The following VPS13B variants were observed in gnomAD, a reference collection of about 807,000 sequenced individuals.
The protein encoded by VPS13B is intermembrane lipid transfer protein VPS13B.
Under a neutral mutation model 426.4 loss-of-function variants are expected in VPS13B, and 285 were observed. That is an observed-to-expected ratio of 0.67 (90% CI 0.61 to 0.74). VPS13B has a LOEUF of 0.74. Ranked by LOEUF, VPS13B falls within the 30% of genes least tolerant of loss-of-function variation. The pLI is 0.00. For missense variants in VPS13B, 4,537 were observed against 4,782.6 expected (o/e 0.95, Z 1.51); for synonymous variants, 1,676 against 1,676.4 (o/e 1.00, Z 0.01).
intron 30 of VPS13B, among the ~76,000 whole-genome samples, chr8:99,526,918 G>A (rs1055893781): frequency 1.3e-5 from 2 of 152,138 alleles, no homozygotes; most frequent in Non-Finnish European, 2.9e-5. Context: ...AGGCTTCTGG[G>A]TGATTGGGTG....
rs1821786117 is a variant in VPS13B, at chr8:99,511,510, A to G, written c.4631A>G (p.Glu1544Gly). The stretch of plus-strand genomic sequence containing the variant: ...ACAGAAGAAATGCAGCCAACTGTTG[A>G]AGGTATTGTCTTCTGATTTTTTTTG... ...PKTEEMQPTV[E>G]ANQAAKEDTV... The change falls in exon 29 of 62, where the codon GAA becomes GGA. Residue 1544 changes from glutamate to glycine, a missense_variant and splice_region_variant. Around this residue, in one of 2 missense-constraint regions of VPS13B, gnomAD observed 4,311 missense variants for 4,474.3 expected, o/e 0.96. Transcript: ENST00000357162. The G allele has an allele frequency of 8.1e-6, 13 of 1,612,280 alleles. No homozygotes were observed. The highest frequency in any genetic ancestry group is 8.5e-6 in the Non-Finnish European group (10 of 1,179,604).
At chr8:99,781,261 T>C (rs990977978) in intron 42 of VPS13B, among the ~76,000 whole-genome samples, 6 of 152,176 alleles carry the variant, frequency 3.9e-5, no homozygotes, top group African/African-American at 1.4e-4. Flanking sequence ...CATTTGCAAT[T>C]TGTTTTATAT....
intron 33 of VPS13B, among the ~76,000 whole-genome samples, chr8:99,637,355 TA>T (rs930929843): frequency 1.7e-4 from 26 of 151,982 alleles, no homozygotes; most frequent in African/African-American, 6.3e-4. Flanking sequence ...TTTAGAGGCT[TA>T]AAAAAAATGG....
At chr8:99,092,463 A>C (rs770432025) in intron 3 of VPS13B, among the ~76,000 whole-genome samples, 1 of 152,224 alleles carries the variant, frequency 6.6e-6, no homozygotes, top group Non-Finnish European at 1.5e-5. Context: ...TCAATGAACG[A>C]AAACTGTGTA....
intron 17 of VPS13B, among the ~76,000 whole-genome samples, chr8:99,201,873 T>C (rs1358380303): frequency 6.6e-6 from 1 of 152,238 alleles, no homozygotes; most frequent in Non-Finnish European, 1.5e-5. Flanking sequence ...ATTTTCTCAA[T>C]AACTATATAT....
intron 17 of VPS13B, among the ~76,000 whole-genome samples, chr8:99,208,469 G>C (rs540645979): frequency 6.6e-6 from 1 of 151,770 alleles, no homozygotes; most frequent in Non-Finnish European, 1.5e-5. Context: ...TTAATCCCAA[G>C]TTTCTGATTC....
chr8:99,853,361 T>C (rs944599964), intron 55 of VPS13B, 90 bp from the exon 56 acceptor site: 3 of 1,313,434 alleles, frequency 2.3e-6, no homozygotes, highest in Non-Finnish European at 2.2e-6. Context: ...CATCAGGAGG[T>C]ATTTAATAGG....
intron 5 of VPS13B, 135 bp downstream of exon 5, chr8:99,103,255 G>A: frequency 1.0e-6 from 1 of 970,768 alleles, no homozygotes; most frequent in Non-Finnish European, 1.6e-6. Flanking sequence ...GGAAAAAAAT[G>A]CACATATACA....
chr8:99,691,474 T>C (rs548567874), intron 35 of VPS13B, among the ~76,000 whole-genome samples: 2 of 152,276 alleles, frequency 1.3e-5, no homozygotes, highest in East Asian at 1.9e-4. Flanking sequence ...CATTTTAGTA[T>C]TGTGCACGGG....
chr8:99,691,281 T>C (rs1831647640), intron 35 of VPS13B, among the ~76,000 whole-genome samples: 1 of 151,594 alleles, frequency 6.6e-6, no homozygotes, highest in South Asian at 2.1e-4. Context: ...GTGTTGATTA[T>C]GATGTTCTGG....
chr8:99,806,242 C>A (rs996426787), intron 43 of VPS13B, among the ~76,000 whole-genome samples: 5 of 152,182 alleles, frequency 3.3e-5, no homozygotes, highest in East Asian at 3.8e-4. Context: ...ATCCTCCAAC[C>A]CTTTATCCAC....
intron 35 of VPS13B, among the ~76,000 whole-genome samples, chr8:99,683,257 A>G (rs987106655): frequency 1.3e-5 from 2 of 152,206 alleles, no homozygotes; most frequent in African/African-American, 2.4e-5. Flanking sequence ...AATAGCTGAT[A>G]GTAAGTCTTA....
intron 23 of VPS13B, among the ~76,000 whole-genome samples, chr8:99,454,815 G>C (rs765308921): frequency 3.3e-5 from 5 of 152,044 alleles, no homozygotes; most frequent in Non-Finnish European, 7.4e-5. Context: ...CTGAATTTTG[G>C]CCATTCTGAT....
chr8:99,207,251 A>T (rs1814782159), intron 17 of VPS13B, among the ~76,000 whole-genome samples: 1 of 152,108 alleles, frequency 6.6e-6, no homozygotes, highest in African/African-American at 2.4e-5. Context: ...TGTGTGTGTG[A>T]AAAATCAGAT....
At chr8:99,827,203 G>A (rs890452618) in intron 51 of VPS13B, among the ~76,000 whole-genome samples, 14 of 151,952 alleles carry the variant, frequency 9.2e-5, no homozygotes, top group East Asian at 1.9e-4. Flanking sequence ...CTGGTCCTGC[G>A]CATTTTTGGT....
chr8:99,350,336 G>C (rs1350944291), intron 19 of VPS13B, among the ~76,000 whole-genome samples: 1 of 152,182 alleles, frequency 6.6e-6, no homozygotes, highest in Non-Finnish European at 1.5e-5. Flanking sequence ...ATTGAAAGGG[G>C]CAATACTGGT....
intron 8 of VPS13B, among the ~76,000 whole-genome samples, chr8:99,125,227 G>C (rs1015569315): frequency 2.0e-5 from 3 of 152,194 alleles, no homozygotes; most frequent in African/African-American, 7.2e-5. Flanking sequence ...AGGCCTGAGA[G>C]CCCCTGGCAA....
intron 31 of VPS13B, among the ~76,000 whole-genome samples, chr8:99,569,863 T>C (rs1024963943): frequency 1.3e-5 from 2 of 152,228 alleles, no homozygotes; most frequent in South Asian, 4.1e-4. Context: ...TTTTCTGTTA[T>C]TTGCTTAGAA....
At chr8:99,411,025 C>T (rs565571178) in intron 21 of VPS13B, among the ~76,000 whole-genome samples, 143 of 152,184 alleles carry the variant, frequency 9.4e-4, no homozygotes, top group African/African-American at 3.1e-3. Context: ...AATAAACATA[C>T]GTGTGCATGT....
Sources: allele counts gnomAD v4.1 joint callset (sites outside exome capture counted in the v4.1 genomes callset), GRCh38; gene constraint gnomAD v4.1.1; regional missense constraint gnomAD v4.1.1; transcripts MANE v1.5; gene names NCBI Gene and HGNC (gene_info 2026-07-23, HGNC 2026-07-21).